MPP7: variants seen among roughly 807,000 people sequenced by gnomAD.
The protein encoded by MPP7 is MAGUK p55 subfamily member 7.
A neutral mutation model predicts 76.5 loss-of-function variants in MPP7; 60 were observed. The observed-to-expected ratio is 0.78, with a 90% confidence interval of 0.64 to 0.97. The LOEUF is 0.97. Among genes scored for constraint, MPP7 ranks in the 50% least tolerant of loss-of-function variants. The probability of loss-of-function intolerance (pLI) is 0.00; values close to 1 mark genes in which losing one functional copy is unlikely to be tolerated. For missense variants in MPP7, 641 were observed against 694.0 expected, an observed-to-expected ratio of 0.92 and a Z score of 0.86; for synonymous variants, 237 against 244.5, an observed-to-expected ratio of 0.97 and a Z score of 0.29.
chr10:28,238,043 T>A (rs1674783083), intron 2 of MPP7, among the ~76,000 whole-genome samples: 1 of 152,110 alleles, frequency 6.6e-6, no homozygotes, highest in South Asian at 2.1e-4. Flanking sequence ...GATAATAACA[T>A]AAAATATGTT....
intron 12 of MPP7, among the ~76,000 whole-genome samples, chr10:28,071,631 A>AATTTCATATATTGG (rs1418444933): frequency 6.6e-6 from 1 of 152,212 alleles, no homozygotes; most frequent in African/African-American, 2.4e-5. Flanking sequence ...GACCTAACTA[A>AATTTCATATATTGG]AAATAATATA....
At chr10:28,263,557 G>A (rs1029798062) in intron 1 of MPP7, among the ~76,000 whole-genome samples, 15 of 152,164 alleles carry the variant, frequency 9.9e-5, no homozygotes, top group African/African-American at 3.4e-4. Flanking sequence ...GCCATATACA[G>A]AAGACTTCTA....
At chr10:28,174,439 C>T (rs1431516689) in intron 3 of MPP7, among the ~76,000 whole-genome samples, 3 of 152,116 alleles carry the variant, frequency 2.0e-5, no homozygotes, top group Admixed American at 6.6e-5. Flanking sequence ...CTTTCTTGCT[C>T]CTTCTCTCAC....
At position 28,054,051 on chromosome 10, in the gene MPP7, G is replaced by T; in HGVS notation, c.*14C>A. 1 of 1,599,616 alleles carries T rather than the reference G, an allele frequency of 6.3e-7. No homozygotes were observed. Among genetic ancestry groups the T allele is most frequent in the Non-Finnish European group, 8.5e-7 (1 of 1,170,804 alleles). On this transcript the variant is annotated 3_prime_UTR_variant, in exon 17 of 17. Transcript: ENST00000683449. Reference sequence around the variant, plus strand: ...CACTCTATAGAAAAAGACAATTATGGAAATTTCTCTTAGTTATGAATGTAA... The same window carrying T: ...CACTCTATAGAAAAAGACAATTATGTAAATTTCTCTTAGTTATGAATGTAA...
At chr10:28,257,909 G>C (rs2132906163) in intron 1 of MPP7, among the ~76,000 whole-genome samples, 1 of 152,010 alleles carries the variant, frequency 6.6e-6, no homozygotes, top group East Asian at 1.9e-4. Flanking sequence ...TTAATGGGGG[G>C]CTCTGTTTTG....
At chr10:28,250,654 T>A (rs1200448711) in intron 1 of MPP7, among the ~76,000 whole-genome samples, 1 of 152,232 alleles carries the variant, frequency 6.6e-6, no homozygotes, top group Non-Finnish European at 1.5e-5. Context: ...AATTGAGACA[T>A]GCTCTTGGTC....
At chr10:28,188,435 A>G (rs185189962) in intron 3 of MPP7, among the ~76,000 whole-genome samples, 1 of 152,292 alleles carries the variant, frequency 6.6e-6, no homozygotes, top group East Asian at 1.9e-4. Flanking sequence ...TTATCATGGC[A>G]CTTCCAAGTC....
intron 1 of MPP7, among the ~76,000 whole-genome samples, chr10:28,272,010 C>A (rs1470781930): frequency 6.6e-6 from 1 of 151,890 alleles, no homozygotes; most frequent in East Asian, 1.9e-4. Context: ...GGGGCACTTA[C>A]AAGGATGCAT....
chr10:28,233,626 T>C (rs1050343627), intron 2 of MPP7, among the ~76,000 whole-genome samples: 30 of 147,994 alleles, frequency 2.0e-4, no homozygotes, highest in African/African-American at 6.8e-4. Flanking sequence ...GCTGAGGCAG[T>C]AGAATGGTGT....
intron 3 of MPP7, among the ~76,000 whole-genome samples, chr10:28,180,212 C>G (rs1015704726): frequency 2.0e-5 from 3 of 152,108 alleles, no homozygotes; most frequent in African/African-American, 7.2e-5. Flanking sequence ...AATGTAGATA[C>G]ATTTGTCTTC....
At chr10:28,094,946 C>A (rs911557793) in intron 11 of MPP7, among the ~76,000 whole-genome samples, 1 of 151,848 alleles carries the variant, frequency 6.6e-6, no homozygotes, top group Non-Finnish European at 1.5e-5. Context: ...CAGAGCAAGA[C>A]CTTATCTCTA....
At chr10:28,214,756 G>A (rs1838253377) in intron 2 of MPP7, among the ~76,000 whole-genome samples, 1 of 152,182 alleles carries the variant, frequency 6.6e-6, no homozygotes, top group Admixed American at 6.5e-5. Flanking sequence ...GTTTGACTCT[G>A]AAGCAAAACT....
chr10:28,287,430 T>C (rs536300668), intron 1 of MPP7, among the ~76,000 whole-genome samples: 26 of 152,316 alleles, frequency 1.7e-4, no homozygotes, highest in Admixed American at 1.3e-4. Flanking sequence ...GTAAATGTAA[T>C]ATAAAGTTTA....
chr10:28,166,023 CAAAAAA>C (rs9299600), intron 3 of MPP7, among the ~76,000 whole-genome samples: 3 of 99,962 alleles, frequency 3.0e-5, no homozygotes, highest in African/African-American at 1.2e-4. Flanking sequence ...AGACTCATCT[CAAAAAA>C]AAAAAAAAAA....
In MPP7 at chr10:28,324,445, C is replaced by A. The variant is rs141948972; in HGVS notation, c.-132+5484G>T. ...ACACAGATAGTAAGATTATTATGTA[C>A]CACGAATGGTTCTAAGTACTTGGCA... On this transcript the variant is annotated intron_variant, in intron 2 of 11. Transcript: ENST00000441595. 8.4e-3 allele frequency among the ~76,000 whole-genome samples: 1,280 copies of A among 152,230 alleles called. 9 individuals are homozygous for A. The highest frequency in any genetic ancestry group is 0.013 in the Non-Finnish European group (864 of 68,014).
intron 2 of MPP7, among the ~76,000 whole-genome samples, chr10:28,237,751 CTA>C (rs753152257): frequency 6.6e-6 from 1 of 152,170 alleles, no homozygotes; most frequent in African/African-American, 2.4e-5. Context: ...TTTCGTCACA[CTA>C]TGTTACCACT....
chr10:28,186,928 A>C (rs914133506), intron 3 of MPP7, among the ~76,000 whole-genome samples: 2 of 152,230 alleles, frequency 1.3e-5, no homozygotes, highest in Admixed American at 6.5e-5. Flanking sequence ...AGAGAACAGC[A>C]GGAATTGCCC....
In MPP7 at chr10:28,051,174, C is replaced by T. The variant is rs969993233; in HGVS notation, c.*2891G>A. Reference sequence around the variant, plus strand: ...AAAACAATTTTCAAGTAAGTACACACACTGTTTGAAGGTACTTTATTAAGA... The same window carrying T: ...AAAACAATTTTCAAGTAAGTACACATACTGTTTGAAGGTACTTTATTAAGA... On this transcript the variant is annotated 3_prime_UTR_variant, in exon 17 of 17. Coordinates refer to ENST00000683449, the MANE Select transcript of MPP7 (RefSeq NM_001318170.2). 1 of 152,120 alleles carries T rather than the reference C, an allele frequency of 6.6e-6. No homozygotes were observed. Among genetic ancestry groups the T allele is most frequent in the African/African-American group, 2.4e-5 (1 of 41,420 alleles). 9.4% of individuals were successfully genotyped at this position (152,120 alleles called of 1,614,324 possible). A position where few individuals can be genotyped will look rare whatever the true frequency, so the allele number is the denominator to read the frequency against.
intron 7 of MPP7, 132 bp downstream of exon 7, chr10:28,124,873 TCAACA>T: frequency 1.4e-6 from 1 of 709,398 alleles, no homozygotes; most frequent in Non-Finnish European, 2.5e-6. Flanking sequence ...CTCTCACATT[TCAACA>T]CAGAGAAAAA....
Sources: gnomAD v4.1 joint callset for allele counts (sites outside exome capture counted in the v4.1 genomes callset) on GRCh38, gnomAD v4.1.1 for gene constraint, MANE v1.5 for transcripts, NCBI Gene and HGNC (gene_info 2026-07-23, HGNC 2026-07-21) for gene names.